Variants in LRP1B observed in about 807,000 individuals in gnomAD.
LRP1B encodes the protein low-density lipoprotein receptor-related protein 1B.
In LRP1B, 217 loss-of-function variants were observed where a neutral mutation model predicts 556.6. The observed-to-expected ratio is 0.39, with a 90% CI of 0.35 to 0.44. LRP1B has a LOEUF of 0.44. LRP1B is among the 20% of genes least tolerant of loss of function. LRP1B has a pLI of 1.00. For missense variants in LRP1B, 5,053 were observed against 5,620.8 expected (o/e 0.90, Z 3.23); for synonymous variants, 2,047 against 1,865.8 (o/e 1.10, Z -2.50).
intron 41 of LRP1B, among the ~76,000 whole-genome samples, chr2:140,636,391 T>C (rs1237163903): frequency 1.3e-5 from 2 of 152,158 alleles, no homozygotes; most frequent in Non-Finnish European, 2.9e-5. Context: ...GTATAAAGCA[T>C]GGCCAAAATA....
intron 43 of LRP1B, among the ~76,000 whole-genome samples, chr2:140,575,412 A>ATG (rs1321450262): frequency 6.6e-6 from 1 of 152,200 alleles, no homozygotes; most frequent in African/African-American, 2.4e-5. Flanking sequence ...AAATTAATTA[A>ATG]TGTGTGCTCA....
chr2:141,679,328 G>A (rs963732794), intron 2 of LRP1B, among the ~76,000 whole-genome samples: 1 of 152,098 alleles, frequency 6.6e-6, no homozygotes, highest in Admixed American at 6.6e-5. Context: ...CACAGAAACT[G>A]TAAGATAAAT....
At position 140,598,001 on chromosome 2, in the gene LRP1B, AG is replaced by A. The variant is rs377487834; in HGVS notation, c.7194+629del. On this transcript the variant is annotated intron_variant, in intron 43 of 90. Coordinates refer to ENST00000389484, the MANE Select transcript of LRP1B (RefSeq NM_018557.3). ...TGTAGCCACCCAGATCTAACCACTG[AG>A]GTTCCCAGTCACCAAGGCAGCTACT... 2.5e-4 allele frequency among the ~76,000 whole-genome samples: 38 copies of A among 152,242 alleles called. No homozygotes were observed. The East Asian group carries it at 3.7e-3, about 15-fold the overall frequency.
chr2:141,541,472 T>G (rs906382811), intron 2 of LRP1B, among the ~76,000 whole-genome samples: 3 of 152,040 alleles, frequency 2.0e-5, no homozygotes, highest in Admixed American at 6.6e-5. Flanking sequence ...CCAAATCCAA[T>G]GTCCAGCGTG....
chr2:140,480,162 T>A (rs1470973765), intron 59 of LRP1B, among the ~76,000 whole-genome samples: 1 of 152,216 alleles, frequency 6.6e-6, no homozygotes, highest in Non-Finnish European at 1.5e-5. Context: ...TGATGTTAAA[T>A]GTTCAATATG....
At chr2:140,567,539 T>C (rs1273231492) in intron 43 of LRP1B, among the ~76,000 whole-genome samples, 2 of 152,212 alleles carry the variant, frequency 1.3e-5, no homozygotes, top group Non-Finnish European at 1.5e-5. Flanking sequence ...CTAGGGGTTG[T>C]CTCAGAGTCA....
intron 2 of LRP1B, among the ~76,000 whole-genome samples, chr2:141,724,367 G>T (rs890159020): frequency 1.6e-4 from 24 of 151,852 alleles, no homozygotes; most frequent in Non-Finnish European, 2.1e-4. Flanking sequence ...GCTGGTAAAA[G>T]AGGGCAAACA....
intron 43 of LRP1B, among the ~76,000 whole-genome samples, chr2:140,577,132 T>C (rs1337599060): frequency 6.6e-6 from 1 of 152,126 alleles, no homozygotes; most frequent in African/African-American, 2.4e-5. Flanking sequence ...CACTGGAAGA[T>C]AGAGAGGTCT....
chr2:141,193,869 C>T (rs1366101281), intron 6 of LRP1B, among the ~76,000 whole-genome samples: 1 of 151,934 alleles, frequency 6.6e-6, no homozygotes, highest in Non-Finnish European at 1.5e-5. Flanking sequence ...TTACTTCATT[C>T]TCCTGGGGAA....
intron 41 of LRP1B, among the ~76,000 whole-genome samples, chr2:140,650,752 T>C (rs1190800839): frequency 2.0e-5 from 3 of 152,076 alleles, no homozygotes; most frequent in African/African-American, 7.2e-5. Context: ...AACTTAAAAA[T>C]CTCAGGGGAA....
At chr2:141,212,439 C>G (rs540563391) in intron 6 of LRP1B, among the ~76,000 whole-genome samples, 1 of 149,056 alleles carries the variant, frequency 6.7e-6, no homozygotes, top group South Asian at 2.2e-4. Flanking sequence ...CCACCACGCC[C>G]GGATAATTTT....
At chr2:141,612,113 C>A (rs1559176137) in intron 2 of LRP1B, among the ~76,000 whole-genome samples, 1 of 152,152 alleles carries the variant, frequency 6.6e-6, no homozygotes, top group Non-Finnish European at 1.5e-5. Flanking sequence ...GTAATATCCC[C>A]CAAATAAAGC....
intron 43 of LRP1B, among the ~76,000 whole-genome samples, chr2:140,580,575 G>T (rs778755673): frequency 6.6e-6 from 1 of 152,134 alleles, no homozygotes; most frequent in African/African-American, 2.4e-5. Context: ...TAATTACTTT[G>T]ATTTTAAATG....
At chr2:141,285,199 G>A (rs1488130867) in intron 3 of LRP1B, among the ~76,000 whole-genome samples, 1 of 150,462 alleles carries the variant, frequency 6.6e-6, no homozygotes, top group African/African-American at 2.4e-5. Flanking sequence ...CCAGGTTCAA[G>A]CGACTCTCCT....
At chr2:141,779,782 T>A (rs1574351147) in intron 2 of LRP1B, among the ~76,000 whole-genome samples, 1 of 152,072 alleles carries the variant, frequency 6.6e-6, no homozygotes, top group East Asian at 1.9e-4. Context: ...TTGATTACAA[T>A]CACACAGCTA....
At chr2:141,852,143 C>T (rs939156364) in intron 1 of LRP1B, among the ~76,000 whole-genome samples, 4 of 151,624 alleles carry the variant, frequency 2.6e-5, no homozygotes, top group Non-Finnish European at 4.4e-5. Flanking sequence ...AAGGGGTTAA[C>T]GGTATGGTCA....
chr2:141,076,826 A>T (rs1249789381), intron 7 of LRP1B, among the ~76,000 whole-genome samples: 1 of 152,216 alleles, frequency 6.6e-6, no homozygotes, highest in Non-Finnish European at 1.5e-5. Flanking sequence ...GAGGATAAAG[A>T]TGCTTTTGAA....
chr2:141,560,142 T>G (rs917617495), intron 2 of LRP1B, among the ~76,000 whole-genome samples: 4 of 151,678 alleles, frequency 2.6e-5, no homozygotes, highest in Non-Finnish European at 5.9e-5. Context: ...AGAAGCTGCA[T>G]GCACTATCTA....
intron 2 of LRP1B, among the ~76,000 whole-genome samples, chr2:141,544,381 T>TCTTCTTCTTCTTCTCCTC (rs1685463294): frequency 1.3e-5 from 1 of 79,756 alleles, no homozygotes; most frequent in African/African-American, 4.3e-5. Flanking sequence ...TTCTTCTTCT[T>TCTTCTTCTTCTTCTCCTC]CTCCTCCTCC....
Sources: allele counts gnomAD v4.1 joint callset (sites outside exome capture counted in the v4.1 genomes callset), GRCh38; gene constraint gnomAD v4.1.1; transcripts MANE v1.5; gene names NCBI Gene and HGNC (gene_info 2026-07-23, HGNC 2026-07-21).